INTS6L: variants seen among roughly 807,000 people sequenced by gnomAD.
INTS6L encodes integrator complex subunit 6 like.
A neutral mutation model predicts 64.7 loss-of-function variants in INTS6L; 18 were observed. The ratio of observed to expected loss-of-function variants is 0.28; its 90% CI spans 0.19 to 0.41. The LOEUF (loss-of-function observed/expected upper bound fraction) is 0.41. Among genes scored for constraint, INTS6L ranks in the 10% least tolerant of loss-of-function variants. The probability of loss-of-function intolerance (pLI) is 1.00; values close to 1 mark genes in which losing one functional copy is unlikely to be tolerated. For synonymous variants in INTS6L, 227 were observed against 235.9 expected, an observed-to-expected ratio of 0.96 and a Z score of 0.34; for missense variants, 533 against 661.0, an observed-to-expected ratio of 0.81 and a Z score of 2.12.
At position 135,520,760 on chromosome X, in the gene INTS6L, C is replaced by G. The variant is rs2085512939; in HGVS notation, c.-233C>G. The G allele has an allele frequency of 2.6e-6, 1 of 385,694 alleles. No individual in the cohort carries two copies. Among genetic ancestry groups the G allele is most frequent in the Admixed American group, 4.6e-5 (1 of 21,827 alleles). The allele number at this position is 385,694 out of a possible 1,213,427, so 31.8% of individuals were successfully genotyped here. On this transcript the variant is annotated 5_prime_UTR_variant, in exon 1 of 18. Transcript: ENST00000639893. ...GCAGAAGAGAGGAAGGGGGAGGGCC[C>G]CGAGGGCTACACACGCTCACACTTT...
chrX:135,534,511 G>A (rs1387961975), intron 2 of INTS6L, among the ~76,000 whole-genome samples: 2 of 110,563 alleles, frequency 1.8e-5, no homozygotes, highest in African/African-American at 3.3e-5. Flanking sequence ...AGCATGTGGA[G>A]GAAAATTGGT....
intron 2 of INTS6L, among the ~76,000 whole-genome samples, chrX:135,533,358 G>A (rs782584861): frequency 2.7e-4 from 30 of 112,054 alleles, no homozygotes; most frequent in African/African-American, 8.8e-4. Flanking sequence ...CTTTTACCAC[G>A]TAAAAAGTAG....
chrX:135,547,985 A>G (rs2086399517), intron 6 of INTS6L, among the ~76,000 whole-genome samples: 1 of 110,677 alleles, frequency 9.0e-6, no homozygotes, highest in Non-Finnish European at 1.9e-5. Flanking sequence ...CTTCCATGGT[A>G]ATGCACTGCA....
At chrX:135,528,762 C>T (rs2085810291) in intron 2 of INTS6L, among the ~76,000 whole-genome samples, 1 of 110,057 alleles carries the variant, frequency 9.1e-6, no homozygotes, top group African/African-American at 3.3e-5. Context: ...TTTCTATTAG[C>T]AGTGTTTGTC....
At position 135,546,480 on chromosome X, in the gene INTS6L, A is replaced by AT. The variant is rs782192298; in HGVS notation, c.429+21dup. On this transcript the variant is annotated intron_variant, in intron 4 of 17. Transcript: ENST00000639893. ...GGTGTTCAAGAAGAGGTGAGATTTT[A>AT]TTTTTTTTTTAATTTTGTTTAAATG... The AT allele has an allele frequency of 1.1e-3, 1,149 of 1,071,128 alleles. No individual in the cohort carries two copies. The highest frequency in any genetic ancestry group is 1.4e-3 in the South Asian group (64 of 44,370). The allele number at this position is 1,071,128 out of a possible 1,213,427, so 88.3% of individuals were successfully genotyped here. A position where few individuals can be genotyped will look rare whatever the true frequency, so the allele number is the denominator to read the frequency against.
chrX:135,580,262 C>A, intron 16 of INTS6L, 100 bp downstream of exon 16: 1 of 970,870 alleles, frequency 1.0e-6, no homozygotes, highest in Non-Finnish European at 1.4e-6. Flanking sequence ...ACACTGGGGG[C>A]AATATTGGGC....
intron 14 of INTS6L, 87 bp downstream of exon 14, chrX:135,575,313 A>C (rs1271949264): frequency 1.3e-5 from 14 of 1,055,759 alleles, no homozygotes; most frequent in Non-Finnish European, 1.0e-5. Flanking sequence ...TACAAATCAG[A>C]GGTTCTTCAT....
intron 12 of INTS6L, 114 bp downstream of exon 12, chrX:135,573,147 A>G: frequency 1.6e-6 from 1 of 618,601 alleles, no homozygotes; most frequent in Non-Finnish European, 2.5e-6. Flanking sequence ...GTTAGTAGTT[A>G]ATAATGGACC....
In INTS6L at chrX:135,551,988, T is replaced by C. The variant is rs782664197; in HGVS notation, c.907-6T>C. On this transcript the variant is annotated splice_region_variant and splice_polypyrimidine_tract_variant and intron_variant, in intron 7 of 17. Transcript: ENST00000639893. The stretch of plus-strand genomic sequence containing the variant: ...TTTTCTGCTTTTTTTAAAAAATTTT[T>C]TTTAGCCTCCACGAACATCTCATCC... 121 of 1,128,159 alleles carry C rather than the reference T, an allele frequency of 1.1e-4. No individual in the cohort carries two copies. The highest frequency in any genetic ancestry group is 1.3e-4 in the Non-Finnish European group (113 of 857,065). The allele number at this position is 1,128,159 out of a possible 1,213,427, so 93.0% of individuals were successfully genotyped here.
intron 8 of INTS6L, among the ~76,000 whole-genome samples, chrX:135,552,599 T>C (rs73561604): frequency 0.019 from 2,097 of 112,116 alleles, 51 homozygotes; most frequent in African/African-American, 0.063. Context: ...ATAAAACTCT[T>C]CGTCCTGTGG....
intron 2 of INTS6L, 53 bp from the exon 3 acceptor site, chrX:135,545,370 A>G: frequency 8.5e-7 from 1 of 1,179,733 alleles, no homozygotes; most frequent in East Asian, 3.0e-5. Flanking sequence ...ATTGTACTTT[A>G]TATATTGTTC....
intron 2 of INTS6L, among the ~76,000 whole-genome samples, chrX:135,541,476 C>T (rs1556512782): frequency 8.9e-6 from 1 of 112,249 alleles, no homozygotes; most frequent in Non-Finnish European, 1.9e-5. Context: ...TCTATACTTA[C>T]ATCACATCTC....
intron 9 of INTS6L, among the ~76,000 whole-genome samples, chrX:135,558,145 GA>G (rs2086689516): frequency 8.9e-6 from 1 of 111,933 alleles, no homozygotes; most frequent in Non-Finnish European, 1.9e-5. Flanking sequence ...CACAAAAACA[GA>G]AAATGAGAAG....
intron 1 of INTS6L, 62 bp downstream of exon 1, chrX:135,521,165 G>T: frequency 8.5e-7 from 1 of 1,180,396 alleles, no homozygotes; most frequent in Middle Eastern, 2.4e-4. Flanking sequence ...TGTGGATTGA[G>T]GTGCTTCTGT....
intron 2 of INTS6L, among the ~76,000 whole-genome samples, chrX:135,521,763 G>A (rs1258577287): frequency 7.3e-4 from 31 of 42,212 alleles, no homozygotes; most frequent in African/African-American, 2.7e-3. Context: ...GCCGCGCGGG[G>A]GGCCGGACGG....
chrX:135,556,692 G>A (rs191148921), intron 9 of INTS6L, among the ~76,000 whole-genome samples: 9 of 111,670 alleles, frequency 8.1e-5, no homozygotes, highest in Non-Finnish European at 1.5e-4. Flanking sequence ...TCTGTTTTAG[G>A]CAGAGTAGTG....
intron 2 of INTS6L, among the ~76,000 whole-genome samples, chrX:135,527,573 T>A (rs2085775572): frequency 8.9e-6 from 1 of 112,203 alleles, no homozygotes; most frequent in African/African-American, 3.2e-5. Flanking sequence ...CTCAAGACTA[T>A]AACTAGTTAA....
Position 135,521,025 on chromosome X carries a change from C to T in INTS6L, c.33C>T (p.Ser11=). Residue 11 remains serine, a synonymous_variant, in exon 1 of 18, where the codon TCC becomes TCT. Coordinates refer to ENST00000639893, the MANE Select transcript of INTS6L (RefSeq NM_001351601.3). ...TCCTGCTGTTCCTCATAGACACGTCCGCCTCTATGAACCAGCGCACTGACC... is the reference window on the plus strand; with the variant it reads ...TCCTGCTGTTCCTCATAGACACGTCTGCCTCTATGAACCAGCGCACTGACC... MPILLFLIDT[S]ASMNQRTDLG... 1 of 1,211,455 alleles carries T rather than the reference C, an allele frequency of 8.3e-7. No homozygotes were observed. Among genetic ancestry groups the T allele is most frequent in the Non-Finnish European group, 1.1e-6 (1 of 895,357 alleles).
At chrX:135,580,271 G>T in intron 16 of INTS6L, 109 bp downstream of exon 16, 2 of 953,619 alleles carry the variant, frequency 2.1e-6, no homozygotes, top group Non-Finnish European at 2.8e-6. Flanking sequence ...GCAATATTGG[G>T]CTTTCACATA....
Sources: gnomAD v4.1 joint callset for allele counts (sites outside exome capture counted in the v4.1 genomes callset) on GRCh38, gnomAD v4.1.1 for gene constraint, MANE v1.5 for transcripts, NCBI Gene and HGNC (gene_info 2026-07-23, HGNC 2026-07-21) for gene names.